Variants in TMEM132D observed in about 807,000 individuals in gnomAD.
TMEM132D encodes the protein transmembrane protein 132D, also known as mature OL transmembrane protein.
A neutral mutation model predicts 62.3 loss-of-function variants in TMEM132D; 21 were observed. The ratio of observed to expected loss-of-function variants is 0.34; its 90% CI spans 0.24 to 0.49. The LOEUF is 0.49. Ranked by LOEUF, TMEM132D falls within the 20% of genes least tolerant of loss-of-function variation. The pLI, the probability that TMEM132D is intolerant of heterozygous loss-of-function variation, is 0.99. For synonymous variants in TMEM132D, 621 were observed against 575.6 expected, an observed-to-expected ratio of 1.08 and a Z score of -1.13; for missense variants, 1,346 against 1,402.8, an observed-to-expected ratio of 0.96 and a Z score of 0.65.
chr12:129,535,091 T>C (rs1386221129), intron 2 of TMEM132D, among the ~76,000 whole-genome samples: 1 of 152,216 alleles, frequency 6.6e-6, no homozygotes, highest in Non-Finnish European at 1.5e-5. Context: ...GGTGTCTCTG[T>C]TCCACTCAGT....
intron 4 of TMEM132D, among the ~76,000 whole-genome samples, chr12:129,317,368 C>T (rs1303960219): frequency 6.6e-6 from 1 of 152,148 alleles, no homozygotes; most frequent in Non-Finnish European, 1.5e-5. Context: ...ATTTGTTTGT[C>T]TGAAAACGAT....
At chr12:129,542,529 G>A (rs78252412) in intron 2 of TMEM132D, among the ~76,000 whole-genome samples, 1,762 of 152,180 alleles carry the variant, frequency 0.012, 22 homozygotes, top group Middle Eastern at 0.092. Flanking sequence ...GGCATGAATG[G>A]GGATATAAGA....
At chr12:129,555,526 A>G (rs755989290) in intron 2 of TMEM132D, among the ~76,000 whole-genome samples, 4 of 152,250 alleles carry the variant, frequency 2.6e-5, no homozygotes, top group Non-Finnish European at 4.4e-5. Flanking sequence ...CATGTATAAA[A>G]TGACATTCGA....
chr12:129,738,842 C>G (rs949274223), intron 1 of TMEM132D, among the ~76,000 whole-genome samples: 1 of 152,284 alleles, frequency 6.6e-6, no homozygotes, highest in South Asian at 2.1e-4. Context: ...TGCGAGATAA[C>G]TTTATCTGTA....
chr12:129,399,781 C>T (rs1024583856), intron 3 of TMEM132D, among the ~76,000 whole-genome samples: 2 of 151,900 alleles, frequency 1.3e-5, no homozygotes, highest in East Asian at 3.8e-4. Flanking sequence ...GAGGAATTAA[C>T]ATATATTGCA....
At chr12:129,269,468 T>C (rs1027244966) in intron 4 of TMEM132D, among the ~76,000 whole-genome samples, 3 of 152,096 alleles carry the variant, frequency 2.0e-5, no homozygotes, top group Non-Finnish European at 4.4e-5. Context: ...AAGCAGGACT[T>C]TTGCTAGCCC....
chr12:129,454,653 C>G (rs959773176), intron 3 of TMEM132D, among the ~76,000 whole-genome samples: 6 of 152,226 alleles, frequency 3.9e-5, no homozygotes, highest in African/African-American at 1.4e-4. Flanking sequence ...CATTTCAAAA[C>G]AGTAAGAGGT....
At chr12:129,403,804 G>T (rs889081084) in intron 3 of TMEM132D, among the ~76,000 whole-genome samples, 1 of 152,164 alleles carries the variant, frequency 6.6e-6, no homozygotes, top group Non-Finnish European at 1.5e-5. Flanking sequence ...TACTAGGAAG[G>T]TAGGCAGAGG....
At chr12:129,332,691 ATT>A (rs1327734086) in intron 4 of TMEM132D, among the ~76,000 whole-genome samples, 1 of 152,220 alleles carries the variant, frequency 6.6e-6, no homozygotes, top group Non-Finnish European at 1.5e-5. Context: ...AAGATAATGG[ATT>A]TGACTACATA....
intron 4 of TMEM132D, among the ~76,000 whole-genome samples, chr12:129,227,470 A>C (rs1404246196): frequency 6.7e-6 from 1 of 149,702 alleles, no homozygotes; most frequent in Non-Finnish European, 1.5e-5. Context: ...TAATAAGAGA[A>C]AGCCACATGA....
chr12:129,651,478 A>G (rs911209598), intron 2 of TMEM132D, among the ~76,000 whole-genome samples: 2 of 152,180 alleles, frequency 1.3e-5, no homozygotes, highest in African/African-American at 4.8e-5. Flanking sequence ...ACCTTTGTAT[A>G]AGCAAAACTT....
chr12:129,745,385 C>T (rs1321755385), intron 1 of TMEM132D, among the ~76,000 whole-genome samples: 1 of 152,082 alleles, frequency 6.6e-6, no homozygotes, highest in Non-Finnish European at 1.5e-5. Flanking sequence ...GTTATAAAAC[C>T]CCAAGTCCAT....
At chr12:129,835,008 A>T (rs1363669009) in intron 1 of TMEM132D, among the ~76,000 whole-genome samples, 4 of 152,206 alleles carry the variant, frequency 2.6e-5, no homozygotes, top group African/African-American at 7.2e-5. Flanking sequence ...CAGGTAAAAA[A>T]GGAAGCCAGG....
At chr12:129,450,731 C>A (rs1219434538) in intron 3 of TMEM132D, among the ~76,000 whole-genome samples, 1 of 150,456 alleles carries the variant, frequency 6.6e-6, no homozygotes, top group Non-Finnish European at 1.5e-5. Flanking sequence ...ATTTCAGCAA[C>A]CAAAAGTTTC....
At chr12:129,365,382 C>T (rs1356613969) in intron 3 of TMEM132D, among the ~76,000 whole-genome samples, 1 of 152,024 alleles carries the variant, frequency 6.6e-6, no homozygotes, top group East Asian at 1.9e-4. Context: ...AGATTAGGCA[C>T]CAAAAACCCT....
At chr12:129,084,820 T>A in intron 5 of TMEM132D, 118 bp from the exon 6 acceptor site, 4 of 879,594 alleles carry the variant, frequency 4.5e-6, no homozygotes, top group Non-Finnish European at 5.2e-6. Context: ...TTTCCTCCCC[T>A]TACTATGGGG....
chr12:129,145,913 A>G (rs1304350501), intron 5 of TMEM132D, among the ~76,000 whole-genome samples: 1 of 152,208 alleles, frequency 6.6e-6, no homozygotes, highest in Non-Finnish European at 1.5e-5. Flanking sequence ...CACTAGAGAC[A>G]GAAACTAAAA....
At chr12:129,565,682 A>T (rs1877349346) in intron 2 of TMEM132D, among the ~76,000 whole-genome samples, 1 of 152,098 alleles carries the variant, frequency 6.6e-6, no homozygotes, top group Non-Finnish European at 1.5e-5. Flanking sequence ...TTTTAAGCAA[A>T]CTCTGTTACT....
Position 129,597,703 on chromosome 12 carries a change from C to T in TMEM132D, c.969-66498G>A, listed in dbSNP as rs574412059. ...CCAAAACATTGTATTCACACTCTCA[C>T]CTGCGTTTCAACCATAACATAGCAT... On this transcript the variant is annotated intron_variant, in intron 2 of 8. Coordinates refer to ENST00000422113, the MANE Select transcript of TMEM132D (RefSeq NM_133448.3). Among the ~76,000 whole-genome samples, 3 of 152,278 alleles carry T rather than the reference C, an allele frequency of 2.0e-5. No homozygotes were observed. The South Asian group carries it at 6.2e-4, about 32-fold the overall frequency.
Sources: allele counts gnomAD v4.1 joint callset (sites outside exome capture counted in the v4.1 genomes callset), GRCh38; gene constraint gnomAD v4.1.1; transcripts MANE v1.5; gene names NCBI Gene and HGNC (gene_info 2026-07-23, HGNC 2026-07-21).